The following CAPZA1 variants were observed in gnomAD, a reference collection of about 807,000 sequenced individuals.
The protein encoded by CAPZA1 is F-actin-capping protein subunit alpha-1.
In CAPZA1, 10 loss-of-function variants were observed where a neutral mutation model predicts 40.8. The observed-to-expected ratio is 0.25, with a 90% confidence interval of 0.15 to 0.42. CAPZA1 has a LOEUF of 0.42. Among genes scored for constraint, CAPZA1 ranks in the 10% least tolerant of loss-of-function variants. The pLI, the probability that CAPZA1 is intolerant of heterozygous loss-of-function variation, is 1.00. For missense variants in CAPZA1, 277 were observed against 353.8 expected, an observed-to-expected ratio of 0.78 and a Z score of 1.74; for synonymous variants, 98 against 115.0, an observed-to-expected ratio of 0.85 and a Z score of 0.95.
At chr1:112,629,129 G>A (rs1452642821) in intron 1 of CAPZA1, among the ~76,000 whole-genome samples, 1 of 152,118 alleles carries the variant, frequency 6.6e-6, no homozygotes. Context: ...CCTATGTTCT[G>A]GGATGTTACC....
chr1:112,626,254 A>G (rs1487128349), intron 1 of CAPZA1: 2 of 152,162 alleles, frequency 1.3e-5, no homozygotes, highest in Non-Finnish European at 2.9e-5. Flanking sequence ...AGCCATTTCC[A>G]TTAATTTAAA....
chr1:112,646,957 A>G (rs1011879482), intron 1 of CAPZA1, among the ~76,000 whole-genome samples: 4 of 152,150 alleles, frequency 2.6e-5, no homozygotes, highest in African/African-American at 2.4e-5. Context: ...GTCAAAAACT[A>G]TTATCCTGTT....
chr1:112,633,324 T>C (rs1670958129), intron 1 of CAPZA1, among the ~76,000 whole-genome samples: 1 of 151,740 alleles, frequency 6.6e-6, no homozygotes. Flanking sequence ...GCATATCTTA[T>C]AGTGAGATCA....
In CAPZA1 at chr1:112,662,400, T is replaced by TC. The variant is rs1315051787; in HGVS notation, c.585+2621_585+2622insC. Among the ~76,000 whole-genome samples the TC allele has an allele frequency of 6.5e-5, 9 of 138,860 alleles. No homozygotes were observed. The East Asian group carries it at 8.2e-4, about 13-fold the overall frequency. The allele number at this position is 138,860 out of a possible 152,430, so 91.1% of individuals were successfully genotyped here. A position where few individuals can be genotyped will look rare whatever the true frequency, so the allele number is the denominator to read the frequency against. On this transcript the variant is annotated intron_variant, in intron 7 of 9. Coordinates refer to ENST00000263168, the MANE Select transcript of CAPZA1 (RefSeq NM_006135.3). ...TAATATTTTTTAGAATTTTTCTTTTTTTTTTTTTTTTTTTTTGAGACAGAG... is the reference window on the plus strand; with the variant it reads ...TAATATTTTTTAGAATTTTTCTTTTTCTTTTTTTTTTTTTTTTGAGACAGAG...
intron 3 of CAPZA1, among the ~76,000 whole-genome samples, chr1:112,651,359 G>T (rs905360410): frequency 6.6e-5 from 10 of 152,000 alleles, no homozygotes; most frequent in Non-Finnish European, 1.5e-4. Flanking sequence ...TGTGTAGAGG[G>T]GCAAAAGCTG....
chr1:112,624,263 A>G (rs1348271491), intron 1 of CAPZA1, among the ~76,000 whole-genome samples: 1 of 152,074 alleles, frequency 6.6e-6, no homozygotes, highest in Admixed American at 6.5e-5. Context: ...TCTTTTCCAT[A>G]TAGGTATGAA....
chr1:112,658,179 T>A (rs1285111758), intron 5 of CAPZA1, among the ~76,000 whole-genome samples: 4 of 150,654 alleles, frequency 2.7e-5, no homozygotes, highest in Admixed American at 6.6e-5. Flanking sequence ...TAAAGCGCTA[T>A]TTTTTTTTTC....
intron 7 of CAPZA1, among the ~76,000 whole-genome samples, chr1:112,663,399 G>A (rs917497692): frequency 6.6e-6 from 1 of 152,098 alleles, no homozygotes; most frequent in African/African-American, 2.4e-5. Flanking sequence ...ACCTTTATAT[G>A]TCATCATCAT....
intron 7 of CAPZA1, among the ~76,000 whole-genome samples, chr1:112,665,874 T>G (rs1416492838): frequency 6.6e-6 from 1 of 152,240 alleles, no homozygotes; most frequent in Non-Finnish European, 1.5e-5. Context: ...ATAAATGGCA[T>G]TACCTGGACT....
At chr1:112,665,466 C>G (rs183921846) in intron 7 of CAPZA1, among the ~76,000 whole-genome samples, 46 of 152,220 alleles carry the variant, frequency 3.0e-4, no homozygotes, top group Non-Finnish European at 5.7e-4. Flanking sequence ...AGGCATAAAC[C>G]ACCGCGCCCG....
intron 3 of CAPZA1, among the ~76,000 whole-genome samples, chr1:112,652,613 T>C (rs992149566): frequency 2.6e-5 from 4 of 152,130 alleles, no homozygotes; most frequent in Non-Finnish European, 5.9e-5. Flanking sequence ...ATAAGTGTGA[T>C]GGTTGAGTTT....
At chr1:112,649,135 A>T (rs1351778193) in intron 2 of CAPZA1, among the ~76,000 whole-genome samples, 1 of 152,184 alleles carries the variant, frequency 6.6e-6, no homozygotes, top group African/African-American at 2.4e-5. Context: ...TGCTCATATT[A>T]AAGGATTCAT....
chr1:112,670,209 T>C lies in CAPZA1; in HGVS notation c.*77T>C. 6.5e-7 allele frequency: 1 copy of C among 1,540,322 alleles called. No homozygotes were observed. Among genetic ancestry groups the C allele is most frequent in the Non-Finnish European group, 8.9e-7 (1 of 1,122,814 alleles). On this transcript the variant is annotated 3_prime_UTR_variant, in exon 10 of 10. Transcript: ENST00000263168. The stretch of plus-strand genomic sequence containing the variant: ...GGTCATATGATAAATAAGTGATTTA[T>C]AAACAAGAGTGATATTTTGCTAGGG...
At chr1:112,666,536 C>G (rs1216993484) in intron 7 of CAPZA1, among the ~76,000 whole-genome samples, 1 of 152,114 alleles carries the variant, frequency 6.6e-6, no homozygotes, top group Admixed American at 6.5e-5. Context: ...CTACTTTTAT[C>G]TTACTTTTTA....
chr1:112,658,974 A>C lies in CAPZA1; in HGVS notation c.427-48A>C, dbSNP rs1347591426. 2.2e-6 allele frequency: 3 copies of C among 1,347,654 alleles called. No individual in the cohort carries two copies. In the African/African-American group the frequency reaches 4.3e-5, roughly 19 times the overall value. The allele number at this position is 1,347,654 out of a possible 1,614,324, so 83.5% of individuals were successfully genotyped here. A position where few individuals can be genotyped will look rare whatever the true frequency, so the allele number is the denominator to read the frequency against. The stretch of plus-strand genomic sequence containing the variant: ...GCTTTTGTACAATGCATGTTGTTTA[A>C]ATTAAAAGTGTTTGGAGTCTTTAAC... On this transcript the variant is annotated intron_variant, in intron 5 of 9. Coordinates refer to ENST00000263168, the MANE Select transcript of CAPZA1 (RefSeq NM_006135.3).
At chr1:112,663,027 C>A (rs535805214) in intron 7 of CAPZA1, among the ~76,000 whole-genome samples, 3 of 152,060 alleles carry the variant, frequency 2.0e-5, no homozygotes, top group Non-Finnish European at 4.4e-5. Flanking sequence ...TGCAGTGACA[C>A]GACCTTGGCT....
rs1186382769 is a variant in CAPZA1, at chr1:112,631,105, T to G, written c.39+11222T>G. ...TAAATCTTCCCAGGTGATTCTAATG[T>G]GTAGCCAAGGTCCAGAACCACTGAT... On this transcript the variant is annotated intron_variant, in intron 1 of 9. Coordinates refer to ENST00000263168, the MANE Select transcript of CAPZA1 (RefSeq NM_006135.3). Among the ~76,000 whole-genome samples the G allele has an allele frequency of 2.6e-5, 4 of 152,258 alleles. 1 individual carries two copies. The highest frequency in any genetic ancestry group is 2.6e-4 in the Admixed American group (4 of 15,292).
intron 1 of CAPZA1, among the ~76,000 whole-genome samples, chr1:112,640,645 G>A (rs1034747133): frequency 6.6e-6 from 1 of 151,968 alleles, no homozygotes; most frequent in Non-Finnish European, 1.5e-5. Context: ...CGGGACGTGA[G>A]GGGTGCCTCT....
intron 7 of CAPZA1, among the ~76,000 whole-genome samples, chr1:112,660,532 G>A (rs527693369): frequency 2.6e-5 from 4 of 151,906 alleles, no homozygotes; most frequent in East Asian, 2.0e-4. Flanking sequence ...CACCCGCCTC[G>A]GCCTCCCAAA....
Sources: allele counts gnomAD v4.1 joint callset (sites outside exome capture counted in the v4.1 genomes callset), GRCh38; gene constraint gnomAD v4.1.1; transcripts MANE v1.5; gene names NCBI Gene and HGNC (gene_info 2026-07-23, HGNC 2026-07-21).